Variants in CCDC178 observed in about 807,000 individuals in gnomAD.
CCDC178 encodes the protein coiled-coil domain containing 178.
In CCDC178, 126 loss-of-function variants were observed where a neutral mutation model predicts 117.4. The ratio of observed to expected loss-of-function variants is 1.07; its 90% CI spans 0.93 to 1.24. The LOEUF is 1.24. Among genes scored for constraint, CCDC178 ranks in the 50% most tolerant of loss-of-function variants. CCDC178 has a pLI of 0.00. For missense variants in CCDC178, 1,030 were observed against 986.9 expected (o/e 1.04, Z -0.59); for synonymous variants, 283 against 313.4 (o/e 0.90, Z 1.02).
In CCDC178 at chr18:33,215,539, T is replaced by A; in HGVS notation, c.2078+11A>T. ...AAAAACTTCATATTTTGATAAAGTT[T>A]AAGTACTTACTTTAATATTTCAAGT... On this transcript the variant is annotated intron_variant, in intron 19 of 22. Transcript: ENST00000383096. 1 of 1,271,596 alleles carries A rather than the reference T, an allele frequency of 7.9e-7. No individual in the cohort carries two copies. The highest frequency in any genetic ancestry group is 1.6e-5 in the South Asian group (1 of 63,658). 78.8% of individuals were successfully genotyped at this position (1,271,596 alleles called of 1,614,324 possible).
At chr18:32,962,785 G>T (rs760253657) in intron 22 of CCDC178, among the ~76,000 whole-genome samples, 1 of 151,806 alleles carries the variant, frequency 6.6e-6, no homozygotes, top group Non-Finnish European at 1.5e-5. Flanking sequence ...TCACCAAAAT[G>T]GCCATATTAT....
intron 22 of CCDC178, among the ~76,000 whole-genome samples, chr18:32,952,132 G>A (rs2054499497): frequency 6.6e-6 from 1 of 152,168 alleles, no homozygotes; most frequent in African/African-American, 2.4e-5. Flanking sequence ...CATGCTGCAA[G>A]CTGTCGGTGA....
intron 20 of CCDC178, among the ~76,000 whole-genome samples, chr18:33,147,643 C>G: frequency 6.6e-6 from 1 of 152,024 alleles, no homozygotes; most frequent in African/African-American, 2.4e-5. Flanking sequence ...CCATTTAACC[C>G]TGAGTGGACA....
chr18:33,000,122 T>C (rs1412623686), intron 21 of CCDC178, among the ~76,000 whole-genome samples: 3 of 151,526 alleles, frequency 2.0e-5, no homozygotes, highest in East Asian at 1.9e-4. Context: ...CAGAATCCTA[T>C]CAAAAATATT....
At position 33,430,595 on chromosome 18, in the gene CCDC178, A is replaced by G. The variant is rs59632667; in HGVS notation, c.-23+9367T>C. ...TGATCCAGATGGTAAAGCTACAGTG[A>G]AAGAAGCTGGATCCCTACGCCACTC... On this transcript the variant is annotated intron_variant, in intron 2 of 22. Transcript: ENST00000383096. 8.8e-3 allele frequency among the ~76,000 whole-genome samples: 1,340 copies of G among 152,240 alleles called. 18 individuals are homozygous for G. The highest frequency in any genetic ancestry group is 0.031 in the African/African-American group (1,268 of 41,522).
At chr18:33,299,745 A>G (rs998168326) in intron 11 of CCDC178, among the ~76,000 whole-genome samples, 1 of 150,660 alleles carries the variant, frequency 6.6e-6, no homozygotes, top group Non-Finnish European at 1.5e-5. Flanking sequence ...AATATCCAGA[A>G]TATACAAGGA....
intron 16 of CCDC178, among the ~76,000 whole-genome samples, chr18:33,225,397 C>A (rs550968705): frequency 6.6e-6 from 1 of 151,980 alleles, no homozygotes; most frequent in Non-Finnish European, 1.5e-5. Flanking sequence ...TGACCTCAAG[C>A]GATCCACCCG....
chr18:33,329,815 A>T (rs926760299), intron 10 of CCDC178, among the ~76,000 whole-genome samples: 9 of 150,978 alleles, frequency 6.0e-5, no homozygotes, highest in South Asian at 2.1e-4. Context: ...ATGAATTAGG[A>T]AGTGTTCCTT....
intron 9 of CCDC178, among the ~76,000 whole-genome samples, chr18:33,337,619 T>G (rs554982006): frequency 6.6e-6 from 1 of 152,100 alleles, no homozygotes; most frequent in Admixed American, 6.6e-5. Context: ...TACAGCTAAC[T>G]GATCTTCAAC....
chr18:33,055,376 A>T (rs2144941181), intron 21 of CCDC178, among the ~76,000 whole-genome samples: 1 of 152,138 alleles, frequency 6.6e-6, no homozygotes, highest in East Asian at 1.9e-4. Flanking sequence ...TCACTCTGTC[A>T]CCCAGGCTGG....
At chr18:33,179,101 ATATATATAAAC>A (rs1247884008) in intron 20 of CCDC178, among the ~76,000 whole-genome samples, 52 of 115,260 alleles carry the variant, frequency 4.5e-4, no homozygotes, top group African/African-American at 1.6e-3. Flanking sequence ...ATATATATAT[ATATATATAAAC>A]TATATATATA....
chr18:33,184,877 C>T (rs1014715744), intron 20 of CCDC178, among the ~76,000 whole-genome samples: 2 of 152,052 alleles, frequency 1.3e-5, no homozygotes, highest in South Asian at 4.1e-4. Flanking sequence ...TTCAGGTTTA[C>T]TTAACCTGCT....
chr18:33,019,316 A>T (rs2144822277), intron 21 of CCDC178, among the ~76,000 whole-genome samples: 1 of 152,350 alleles, frequency 6.6e-6, no homozygotes, highest in Non-Finnish European at 1.5e-5. Flanking sequence ...TGATAAAAAG[A>T]ACCATTCTTA....
chr18:33,234,410 G>A (rs2059403232), intron 15 of CCDC178, among the ~76,000 whole-genome samples: 1 of 151,860 alleles, frequency 6.6e-6, no homozygotes, highest in Admixed American at 6.6e-5. Context: ...CTTAGTAAAC[G>A]AAGACCAATG....
At chr18:32,990,899 G>A (rs2055374426) in intron 21 of CCDC178, among the ~76,000 whole-genome samples, 1 of 151,208 alleles carries the variant, frequency 6.6e-6, no homozygotes, top group East Asian at 1.9e-4. Flanking sequence ...TTTTTCACAA[G>A]AGAAAACACA....
intron 21 of CCDC178, among the ~76,000 whole-genome samples, chr18:32,986,531 A>G (rs2055267360): frequency 6.6e-6 from 1 of 152,158 alleles, no homozygotes; most frequent in African/African-American, 2.4e-5. Flanking sequence ...ACTACCAGGA[A>G]GAGTATTATT....
At chr18:33,347,799 C>T (rs962879875) in intron 8 of CCDC178, among the ~76,000 whole-genome samples, 4 of 151,918 alleles carry the variant, frequency 2.6e-5, no homozygotes, top group African/African-American at 9.7e-5. Context: ...TAATAAATTC[C>T]AAAACAAATG....
intron 12 of CCDC178, among the ~76,000 whole-genome samples, chr18:33,268,540 T>C (rs999627413): frequency 3.2e-4 from 48 of 151,942 alleles, no homozygotes; most frequent in African/African-American, 1.1e-3. Context: ...TCAATAAGAT[T>C]TCACTTGCAT....
intron 20 of CCDC178, among the ~76,000 whole-genome samples, chr18:33,182,116 ACT>A (rs2058738912): frequency 1.3e-5 from 2 of 152,010 alleles, no homozygotes; most frequent in Admixed American, 6.6e-5. Flanking sequence ...AATGTTTATA[ACT>A]CTCAGTTTTA....
Sources: allele counts gnomAD v4.1 joint callset (sites outside exome capture counted in the v4.1 genomes callset), GRCh38; gene constraint gnomAD v4.1.1; transcripts MANE v1.5; gene names NCBI Gene and HGNC (gene_info 2026-07-23, HGNC 2026-07-21).